Variants in PIGL observed in about 807,000 individuals in gnomAD.
PIGL encodes the protein N-acetylglucosaminyl-phosphatidylinositol de-N-acetylase.
In PIGL, 22 loss-of-function variants were observed where a neutral mutation model predicts 31.1. That is an observed-to-expected ratio of 0.71 (90% CI 0.51 to 1.01). The LOEUF (loss-of-function observed/expected upper bound fraction) is 1.01. Among genes scored for constraint, PIGL ranks in the 50% least tolerant of loss-of-function variants. The pLI is 0.00. For missense variants in PIGL, 302 were observed against 315.9 expected, an observed-to-expected ratio of 0.96 and a Z score of 0.33; for synonymous variants, 131 against 117.4, an observed-to-expected ratio of 1.12 and a Z score of -0.75.
chr17:16,228,381 A>AT, intron 1 of PIGL, among the ~76,000 whole-genome samples: 1 of 150,976 alleles, frequency 6.6e-6, no homozygotes, highest in East Asian at 1.9e-4. Flanking sequence ...TTATTTCTTT[A>AT]TTTATTTTAT....
At chr17:16,261,367 T>C (rs1456447077) in intron 2 of PIGL, among the ~76,000 whole-genome samples, 2 of 152,128 alleles carry the variant, frequency 1.3e-5, no homozygotes, top group Non-Finnish European at 2.9e-5. Context: ...CCTGTGACAA[T>C]TTATTGAATA....
At chr17:16,257,145 G>A (rs563087285) in intron 2 of PIGL, among the ~76,000 whole-genome samples, 8 of 151,800 alleles carry the variant, frequency 5.3e-5, no homozygotes, top group Admixed American at 4.6e-4. Flanking sequence ...GACCAGGCAC[G>A]GTGGCTCATG....
intron 2 of PIGL, among the ~76,000 whole-genome samples, chr17:16,283,722 CT>C (rs879918297): frequency 1.3e-5 from 2 of 152,168 alleles, no homozygotes; most frequent in Non-Finnish European, 2.9e-5. Flanking sequence ...TTTTGTAAAA[CT>C]TTTTAAATCA....
intron 1 of PIGL, among the ~76,000 whole-genome samples, chr17:16,221,400 G>A (rs7219795): frequency 0.05 from 7,471 of 150,892 alleles, 225 homozygotes; most frequent in African/African-American, 0.093. Flanking sequence ...TGATCCTCCC[G>A]CCTCAGCCTA....
At chr17:16,253,662 G>A (rs1357892899) in intron 2 of PIGL, among the ~76,000 whole-genome samples, 1 of 152,052 alleles carries the variant, frequency 6.6e-6, no homozygotes, top group Non-Finnish European at 1.5e-5. Context: ...AGGTAGAACT[G>A]GCCAGACACA....
At chr17:16,256,622 T>G (rs1293790109) in intron 2 of PIGL, among the ~76,000 whole-genome samples, 1 of 152,096 alleles carries the variant, frequency 6.6e-6, no homozygotes, top group Non-Finnish European at 1.5e-5. Flanking sequence ...AGTGCTAGGA[T>G]TACAGGCGTG....
At chr17:16,308,331 CA>C (rs146255775) in intron 3 of PIGL, among the ~76,000 whole-genome samples, 6,460 of 149,758 alleles carry the variant, frequency 0.043, 463 homozygotes, top group African/African-American at 0.15. Context: ...AACTCCGTCT[CA>C]AAAAAAAAGA....
intron 1 of PIGL, among the ~76,000 whole-genome samples, chr17:16,230,604 A>G (rs1003974105): frequency 2.0e-5 from 3 of 151,740 alleles, no homozygotes; most frequent in African/African-American, 7.3e-5. Flanking sequence ...GTAACTAGCA[A>G]TCTAGCAGTC....
At chr17:16,227,001 A>T (rs2092654819) in intron 1 of PIGL, among the ~76,000 whole-genome samples, 1 of 152,130 alleles carries the variant, frequency 6.6e-6, no homozygotes, top group South Asian at 2.1e-4. Flanking sequence ...TTTGCCTTTT[A>T]TCTCACATGT....
At chr17:16,275,087 G>A (rs983997904) in intron 2 of PIGL, among the ~76,000 whole-genome samples, 8 of 151,812 alleles carry the variant, frequency 5.3e-5, no homozygotes, top group African/African-American at 4.8e-5. Context: ...CTGTTCCACC[G>A]GCCAGCAAAG....
chr17:16,295,378 A>C (rs9783845), intron 2 of PIGL, among the ~76,000 whole-genome samples: 2 of 150,050 alleles, frequency 1.3e-5, no homozygotes, highest in South Asian at 4.2e-4. Flanking sequence ...ACTCCAACCT[A>C]GGTGACAGAG....
At chr17:16,217,639 T>TC in intron 1 of PIGL, 178 bp downstream of exon 1, 3 of 541,340 alleles carry the variant, frequency 5.5e-6, no homozygotes, top group Admixed American at 3.4e-5. Context: ...ACCTGGTGGG[T>TC]TGGGGGACGT....
At chr17:16,219,228 TGTTTTTA>T (rs900187340) in intron 1 of PIGL, among the ~76,000 whole-genome samples, 7 of 151,960 alleles carry the variant, frequency 4.6e-5, no homozygotes, top group African/African-American at 1.7e-4. Flanking sequence ...TTTTTTTATT[TGTTTTTA>T]GTTTTTAGTA....
intron 2 of PIGL, among the ~76,000 whole-genome samples, chr17:16,291,210 G>A (rs1316376848): frequency 6.6e-6 from 1 of 152,168 alleles, no homozygotes; most frequent in Non-Finnish European, 1.5e-5. Context: ...ACTGTGAAAA[G>A]AAGTAAATTA....
chr17:16,264,275 T>C (rs1337513493), intron 2 of PIGL, among the ~76,000 whole-genome samples: 1 of 152,030 alleles, frequency 6.6e-6, no homozygotes, highest in Non-Finnish European at 1.5e-5. Flanking sequence ...CCCAAAGTGC[T>C]GGGATTACAG....
chr17:16,241,114 CAA>C (rs35578509), intron 2 of PIGL, among the ~76,000 whole-genome samples: 774 of 52,958 alleles, frequency 0.015, 7 homozygotes, highest in East Asian at 0.11. Context: ...AACTCCCTCT[CAA>C]AAAAAAAAAA....
chr17:16,218,635 G>C (rs1478578981), intron 1 of PIGL, among the ~76,000 whole-genome samples: 2 of 149,174 alleles, frequency 1.3e-5, no homozygotes, highest in East Asian at 3.9e-4. Flanking sequence ...TTTAGGCTTT[G>C]CATTGCAAAA....
At chr17:16,219,121 C>A (rs1309667261) in intron 1 of PIGL, among the ~76,000 whole-genome samples, 1 of 143,376 alleles carries the variant, frequency 7.0e-6, no homozygotes, top group South Asian at 2.1e-4. Context: ...GGCTGGAGTG[C>A]AGTGGCGCAA....
chr17:16,320,511 G>A (rs1404151647), intron 6 of PIGL, among the ~76,000 whole-genome samples: 1 of 142,188 alleles, frequency 7.0e-6, no homozygotes, highest in African/African-American at 2.7e-5. Flanking sequence ...GGGAGAGAGA[G>A]AGAGAGAAAG....
Sources: gnomAD v4.1 joint callset for allele counts (sites outside exome capture counted in the v4.1 genomes callset) on GRCh38, gnomAD v4.1.1 for gene constraint, MANE v1.5 for transcripts, NCBI Gene and HGNC (gene_info 2026-07-23, HGNC 2026-07-21) for gene names.